Variants in PPP1R13L observed in about 807,000 individuals in gnomAD.
The protein encoded by PPP1R13L is protein phosphatase 1 regulatory subunit 13 like.
In PPP1R13L, 50 loss-of-function variants were observed where a neutral mutation model predicts 80.9. That is an observed-to-expected ratio of 0.62 (90% CI 0.49 to 0.78). The LOEUF (loss-of-function observed/expected upper bound fraction) is 0.78, where lower values mean the gene tolerates loss of function less well. Among genes scored for constraint, PPP1R13L ranks in the 30% least tolerant of loss-of-function variants. The pLI is 0.00. For synonymous variants in PPP1R13L, 602 were observed against 534.3 expected, an observed-to-expected ratio of 1.13 and a Z score of -1.75; for missense variants, 1,200 against 1,205.9, an observed-to-expected ratio of 1.00 and a Z score of 0.07.
At chr19:45,384,944 G>A (rs560933616) in intron 11 of PPP1R13L, among the ~76,000 whole-genome samples, 4 of 151,926 alleles carry the variant, frequency 2.6e-5, no homozygotes, top group Non-Finnish European at 5.9e-5. Flanking sequence ...ATAACCCTCT[G>A]TCTCACCCAT....
At chr19:45,397,872 CCT>C in intron 3 of PPP1R13L, 131 bp downstream of exon 3, 1 of 1,223,616 alleles carries the variant, frequency 8.2e-7, no homozygotes, top group Non-Finnish European at 1.1e-6. Flanking sequence ...GGCCTGGTCC[CCT>C]TTTTTCAAGT....
Position 45,395,478 on chromosome 19 carries a change from C to A in PPP1R13L, c.1312G>T (p.Ala438Ser). Residue 438 changes from alanine (A) to serine (S), a missense_variant, in exon 7 of 13, where the codon GCC becomes TCC. Physicochemically the swap from Ala to Ser is moderately conservative, Grantham distance 99. Around this residue, in one of 5 missense-constraint regions of PPP1R13L, gnomAD observed 764 missense variants for 714.5 expected, o/e 1.07. Coordinates refer to ENST00000360957, the MANE Select transcript of PPP1R13L (RefSeq NM_006663.4). ...CATGTCTGTTGGGGATGCTGGGGGGCTGGGGTAGGGGTTTGGGGTTGGGTC... is the reference window on the plus strand; with the variant it reads ...CATGTCTGTTGGGGATGCTGGGGGGATGGGGTAGGGGTTTGGGGTTGGGTC... ...PQTQPQTPTPAPQHPQQTWPP... is the reference protein window; with the variant it reads ...PQTQPQTPTPSPQHPQQTWPP... 1 of 296,932 alleles carries A rather than the reference C, an allele frequency of 3.4e-6. No individual in the cohort carries two copies. The highest frequency in any genetic ancestry group is 5.8e-6 in the Non-Finnish European group (1 of 172,688). The allele number at this position is 296,932 out of a possible 1,614,324, so 18.4% of individuals were successfully genotyped here. A position where few individuals can be genotyped will look rare whatever the true frequency, so the allele number is the denominator to read the frequency against.
Position 45,382,859 on chromosome 19 carries a change from A to T in PPP1R13L, c.2249-133T>A, listed in dbSNP as rs1045700032. On this transcript the variant is annotated intron_variant, in intron 11 of 12. Transcript: ENST00000360957. ...ACCACCTGAAATGTTGTGTGTGCCCATGGCTGTGGATGGGAACCGGAGCTG... is the reference window on the plus strand; with the variant it reads ...ACCACCTGAAATGTTGTGTGTGCCCTTGGCTGTGGATGGGAACCGGAGCTG... The T allele has an allele frequency of 2.5e-5, 19 of 762,194 alleles. No homozygotes were observed. In the African/African-American group the frequency reaches 3.1e-4, roughly 13 times the overall value. 47.2% of individuals were successfully genotyped at this position (762,194 alleles called of 1,614,324 possible). A position where few individuals can be genotyped will look rare whatever the true frequency, so the allele number is the denominator to read the frequency against.
chr19:45,388,499 C>T (rs1972910439), intron 8 of PPP1R13L, among the ~76,000 whole-genome samples: 1 of 151,704 alleles, frequency 6.6e-6, no homozygotes, highest in South Asian at 2.1e-4. Context: ...CAATTGAGCC[C>T]AGTAGGTGGA....
rs755350655 is a variant in PPP1R13L, at chr19:45,385,971, G to A, written c.1948-14C>T. 1.9e-6 allele frequency: 3 copies of A among 1,605,788 alleles called. No homozygotes were observed. The highest frequency in any genetic ancestry group is 2.2e-5 in the South Asian group (2 of 90,004). Reference sequence around the variant, plus strand: ...CGGGTCGTTCATCTGAGTGCACCGGGGGAGGGGGAAGACTCAGTCCCGCGG... The same window carrying A: ...CGGGTCGTTCATCTGAGTGCACCGGAGGAGGGGGAAGACTCAGTCCCGCGG... On this transcript the variant is annotated splice_polypyrimidine_tract_variant and intron_variant, in intron 9 of 12. Transcript: ENST00000360957.
chr19:45,391,063 T>A (rs1378336621), intron 8 of PPP1R13L, among the ~76,000 whole-genome samples: 1 of 151,910 alleles, frequency 6.6e-6, no homozygotes, highest in Non-Finnish European at 1.5e-5. Context: ...CCAGGAGTGG[T>A]GGCATACACT....
At position 45,395,382 on chromosome 19, in the gene PPP1R13L, C is replaced by T. The variant is rs1444319959; in HGVS notation, c.1354+54G>A. 6 of 1,566,138 alleles carry T rather than the reference C, an allele frequency of 3.8e-6. No homozygotes were observed. The Middle Eastern group carries it at 6.6e-4, about 172-fold the overall frequency. ...ACCTCCCAGGGCTGGTCTGGTCCCCCTGCCATTTGTCCTCCCTTCACCCAG... is the reference window on the plus strand; with the variant it reads ...ACCTCCCAGGGCTGGTCTGGTCCCCTTGCCATTTGTCCTCCCTTCACCCAG... On this transcript the variant is annotated intron_variant, in intron 7 of 12. Transcript: ENST00000360957.
chr19:45,398,389 C>T, intron 1 of PPP1R13L, 50 bp from the exon 2 acceptor site: 2 of 1,571,056 alleles, frequency 1.3e-6, no homozygotes, highest in Non-Finnish European at 1.7e-6. Flanking sequence ...CCCTCTAGAC[C>T]CCGCCCTCAG....
chr19:45,380,320 C>A, intron 12 of PPP1R13L, 92 bp from the exon 13 acceptor site: 9 of 1,439,754 alleles, frequency 6.3e-6, no homozygotes, highest in Non-Finnish European at 8.8e-6. Context: ...CCCACCCCTT[C>A]CTAAGGGGAC....
chr19:45,383,577 G>A (rs1343134639), intron 11 of PPP1R13L, among the ~76,000 whole-genome samples: 2 of 152,046 alleles, frequency 1.3e-5, no homozygotes, highest in Non-Finnish European at 2.9e-5. Flanking sequence ...TTACAGGCGT[G>A]AGCCACCTGG....
Position 45,395,519 on chromosome 19 carries a change from A to AGCTGGGGCTGTGGTTGTGATTGTG in PPP1R13L, c.1247_1270dup (p.Pro416_Gln423dup). The AGCTGGGGCTGTGGTTGTGATTGTG allele has an allele frequency of 1.4e-6, 2 of 1,470,036 alleles. No homozygotes were observed. Among genetic ancestry groups the AGCTGGGGCTGTGGTTGTGATTGTG allele is most frequent in the Non-Finnish European group, 1.8e-6 (2 of 1,103,744 alleles). The allele number at this position is 1,470,036 out of a possible 1,614,324, so 91.1% of individuals were successfully genotyped here. A position where few individuals can be genotyped will look rare whatever the true frequency, so the allele number is the denominator to read the frequency against. On this transcript the variant is annotated inframe_insertion, in exon 7 of 13. Coordinates refer to ENST00000360957, the MANE Select transcript of PPP1R13L (RefSeq NM_006663.4). ...GGGTTGGGTCTGGGGCTGTGGGGGC[A>AGCTGGGGCTGTGGTTGTGATTGTG]GCTGGGGCTGTGGTTGTGATTGTGG...
Position 45,396,900 on chromosome 19 carries a change from C to T in PPP1R13L, c.357G>A (p.Ser119=), listed in dbSNP as rs367747237. ...GCAGGTAGAGCGGGGTGCGCGGCGA[C>T]GACGGCCGTCCCTTGGGGGACAGCG... The part of the protein sequence containing the change: ...YSPLSPKGRP[S]SPRTPLYLQP... Residue 119 remains serine (S), a synonymous_variant, in exon 4 of 13, where the codon TCG becomes TCA. Transcript: ENST00000360957. This position sits in a 1 kb window ranked among gnomAD's most constrained non-coding sequence, Gnocchi z 5.3. The T allele has an allele frequency of 6.6e-7, 1 of 1,513,292 alleles. No homozygotes were observed. The highest frequency in any genetic ancestry group is 8.8e-7 in the Non-Finnish European group (1 of 1,139,016). The allele number at this position is 1,513,292 out of a possible 1,614,324, so 93.7% of individuals were successfully genotyped here. A position where few individuals can be genotyped will look rare whatever the true frequency, so the allele number is the denominator to read the frequency against.
chr19:45,382,641 G>A lies in PPP1R13L; in HGVS notation c.2334C>T (p.Ser778=). The A allele has an allele frequency of 6.2e-7, 1 of 1,613,904 alleles. No individual in the cohort carries two copies. Among genetic ancestry groups the A allele is most frequent in the Non-Finnish European group, 8.5e-7 (1 of 1,180,042 alleles). ...CGGTGACCGACTCGCCCTCGCGGAA[G>A]GACAGCTCGTCCCCGAACTCGGCGC... ...DYSAEFGDEL[S]FREGESVTVL... The change falls in exon 12 of 13, where the codon TCC becomes TCT. Residue 778 remains serine, a synonymous_variant. Transcript: ENST00000360957.
intron 8 of PPP1R13L, among the ~76,000 whole-genome samples, chr19:45,386,478 A>G (rs553233354): frequency 1.3e-5 from 2 of 152,292 alleles, no homozygotes; most frequent in South Asian, 2.1e-4. Flanking sequence ...TGATTGTGGA[A>G]GCCAGTTATG....
chr19:45,382,442 T>A (rs1200856982), intron 12 of PPP1R13L, 85 bp downstream of exon 12: 10 of 1,481,756 alleles, frequency 6.7e-6, no homozygotes, highest in Non-Finnish European at 9.2e-6. Flanking sequence ...TTTGTTCCTG[T>A]TGCCTCTTCT....
In PPP1R13L at chr19:45,397,040, T is replaced by C. The variant is rs552301459; in HGVS notation, c.217A>G (p.Ser73Gly). 5.2e-6 allele frequency: 7 copies of C among 1,344,304 alleles called. No homozygotes were observed. In the South Asian group the frequency reaches 1.2e-4, roughly 23 times the overall value. The allele number at this position is 1,344,304 out of a possible 1,614,324, so 83.3% of individuals were successfully genotyped here. A position where few individuals can be genotyped will look rare whatever the true frequency, so the allele number is the denominator to read the frequency against. The change falls in exon 4 of 13, where the codon AGC becomes GGC. Residue 73 changes from serine (S) to glycine (G), a missense_variant. By Grantham distance (56) the Ser-to-Gly change is moderately conservative. Around this residue, in one of 5 missense-constraint regions of PPP1R13L, gnomAD observed 764 missense variants for 714.5 expected, o/e 1.07. Coordinates refer to ENST00000360957, the MANE Select transcript of PPP1R13L (RefSeq NM_006663.4). ...CTGCCGAAGGGCTCAGGGATCGAGCTGGAGCTGTACCGGGGCGGCTGTGGG... is the reference window on the plus strand; with the variant it reads ...CTGCCGAAGGGCTCAGGGATCGAGCCGGAGCTGTACCGGGGCGGCTGTGGG... Reference protein sequence around the residue: ...PPSRPPRYSSSSIPEPFGSRG... With the variant: ...PPSRPPRYSSGSIPEPFGSRG...
intron 8 of PPP1R13L, among the ~76,000 whole-genome samples, chr19:45,389,036 C>G (rs1972919822): frequency 6.6e-6 from 1 of 152,256 alleles, no homozygotes; most frequent in South Asian, 2.1e-4. Context: ...CCGTGCCCAG[C>G]CTAACTTTAT....
intron 7 of PPP1R13L, among the ~76,000 whole-genome samples, chr19:45,394,118 A>G (rs1973034030): frequency 6.6e-6 from 1 of 152,098 alleles, no homozygotes; most frequent in Non-Finnish European, 1.5e-5. Flanking sequence ...ATATTAATAA[A>G]TTATTATAAC....
rs370858643 is a variant in PPP1R13L, at chr19:45,397,984, C to T, written c.198+21G>A. On this transcript the variant is annotated intron_variant, in intron 3 of 12. Coordinates refer to ENST00000360957, the MANE Select transcript of PPP1R13L (RefSeq NM_006663.4). ...GTGGCGAGAGGCTGGCTTTGGAGATCAAGGTGGGAACCAGGCTTACCCTAG... is the reference window on the plus strand; with the variant it reads ...GTGGCGAGAGGCTGGCTTTGGAGATTAAGGTGGGAACCAGGCTTACCCTAG... 30 of 1,595,614 alleles carry T rather than the reference C, an allele frequency of 1.9e-5. No homozygotes were observed. The African/African-American group carries it at 3.9e-4, about 21-fold the overall frequency.
Sources: allele counts gnomAD v4.1 joint callset (sites outside exome capture counted in the v4.1 genomes callset), GRCh38; gene constraint gnomAD v4.1.1; regional missense constraint gnomAD v4.1.1; non-coding constraint Gnocchi (gnomAD v3.1); transcripts MANE v1.5; gene names NCBI Gene and HGNC (gene_info 2026-07-23, HGNC 2026-07-21).